NKAIN3: variants seen among roughly 807,000 people sequenced by gnomAD.
The protein encoded by NKAIN3 is sodium/potassium transporting ATPase interacting 3, also known as sodium/potassium-transporting ATPase subunit beta-1-interacting protein 3.
NKAIN3 carries 25 observed loss-of-function variants against 30.2 expected under a neutral mutation model. That is an observed-to-expected ratio of 0.83 (90% CI 0.60 to 1.16). The LOEUF is 1.16. NKAIN3 is among the 50% of genes most tolerant of loss of function. The probability of loss-of-function intolerance (pLI) is 0.00; values close to 1 mark genes in which losing one functional copy is unlikely to be tolerated. For synonymous variants in NKAIN3, 91 were observed against 89.6 expected (o/e 1.02, Z -0.09); for missense variants, 225 against 254.1 (o/e 0.89, Z 0.78).
intron 5 of NKAIN3, among the ~76,000 whole-genome samples, chr8:62,997,068 C>T (rs548812727): frequency 2.6e-5 from 4 of 152,282 alleles, no homozygotes; most frequent in Admixed American, 6.5e-5. Context: ...GGGGCTCCAG[C>T]GCCACACTTC....
chr8:62,584,304 G>A (rs184285143), intron 2 of NKAIN3, among the ~76,000 whole-genome samples: 10 of 152,228 alleles, frequency 6.6e-5, no homozygotes, highest in East Asian at 5.8e-4. Context: ...AAGTGCTCAC[G>A]CAGAGATTAA....
chr8:62,901,664 C>T (rs765911028), intron 4 of NKAIN3, among the ~76,000 whole-genome samples: 13 of 152,130 alleles, frequency 8.5e-5, no homozygotes, highest in African/African-American at 1.7e-4. Context: ...ACGTACGTCC[C>T]GCAAGTTAGG....
chr8:62,863,008 T>C, intron 4 of NKAIN3: 1 of 586,788 alleles, frequency 1.7e-6, no homozygotes, highest in Non-Finnish European at 3.1e-6. Flanking sequence ...TGTTGGTATG[T>C]AACCACACGT....
At chr8:62,882,775 T>C (rs1045710583) in intron 4 of NKAIN3, among the ~76,000 whole-genome samples, 2 of 152,294 alleles carry the variant, frequency 1.3e-5, no homozygotes, top group Admixed American at 1.3e-4. Context: ...CATATGGATG[T>C]CCTATTTTTC....
rs1812312013 is a variant in NKAIN3 at position 62,641,685 on chromosome 8, A to T, written c.273+51891A>T. Among the ~76,000 whole-genome samples the T allele has an allele frequency of 2.6e-5, 4 of 152,148 alleles. No homozygotes were observed. The South Asian group carries it at 8.3e-4, about 32-fold the overall frequency. On this transcript the variant is annotated intron_variant, in intron 3 of 6. Coordinates refer to ENST00000623646, the MANE Select transcript of NKAIN3 (RefSeq NM_001304533.3). The stretch of plus-strand genomic sequence containing the variant: ...ATAGCTCATTGATTGATAAAGTGAG[A>T]GGCAAGATTAGGAAGGGGTTAGTTA...
chr8:62,796,969 GAC>G (rs1176594999), intron 4 of NKAIN3, among the ~76,000 whole-genome samples: 6 of 152,144 alleles, frequency 3.9e-5, no homozygotes, highest in African/African-American at 1.4e-4. Context: ...CTAACTTAAA[GAC>G]AGCATGAAGT....
chr8:62,451,296 C>T (rs1374553514), intron 1 of NKAIN3, among the ~76,000 whole-genome samples: 3 of 136,578 alleles, frequency 2.2e-5, no homozygotes, highest in Non-Finnish European at 4.8e-5. Flanking sequence ...TCCCTCCCCT[C>T]CCGTCCCCTC....
intron 4 of NKAIN3, among the ~76,000 whole-genome samples, chr8:62,827,892 A>G (rs915646725): frequency 1.3e-5 from 2 of 152,166 alleles, no homozygotes; most frequent in African/African-American, 4.8e-5. Flanking sequence ...GGTATTATGC[A>G]CATTTTAGAA....
intron 1 of NKAIN3, among the ~76,000 whole-genome samples, chr8:62,497,396 A>G (rs1807276117): frequency 6.6e-6 from 1 of 151,632 alleles, no homozygotes; most frequent in South Asian, 2.1e-4. Context: ...CCTGTGGAAC[A>G]TGATGTATGT....
chr8:62,278,001 A>G (rs1006134365), intron 1 of NKAIN3, among the ~76,000 whole-genome samples: 4 of 152,172 alleles, frequency 2.6e-5, no homozygotes, highest in African/African-American at 9.6e-5. Flanking sequence ...TAACATGACA[A>G]GACAGGTATT....
chr8:62,768,288 C>A (rs1183808470), intron 4 of NKAIN3, among the ~76,000 whole-genome samples: 1 of 152,162 alleles, frequency 6.6e-6, no homozygotes, highest in Non-Finnish European at 1.5e-5. Flanking sequence ...GATTGCCATC[C>A]AACCTGTCTC....
chr8:62,496,157 G>A (rs1157930040), intron 1 of NKAIN3, among the ~76,000 whole-genome samples: 3 of 152,038 alleles, frequency 2.0e-5, no homozygotes, highest in Non-Finnish European at 2.9e-5. Flanking sequence ...CTTTAATAAT[G>A]TGCTTACTGT....
At position 62,736,362 on chromosome 8, in the gene NKAIN3, GT is replaced by G. The variant is rs1011343067; in HGVS notation, c.274-10569del. Among the ~76,000 whole-genome samples the G allele has an allele frequency of 2.6e-5, 4 of 152,148 alleles. 1 individual carries two copies. Among genetic ancestry groups the G allele is most frequent in the African/African-American group, 9.7e-5 (4 of 41,438 alleles). ...TTGGGCAAGTCTTGCTGTGGTTACT[GT>G]GGGGGTTGCTGGTGTGGATTTCAGG... On this transcript the variant is annotated intron_variant, in intron 3 of 6. Transcript: ENST00000623646.
At chr8:62,934,460 A>G (rs1360824857) in intron 5 of NKAIN3, among the ~76,000 whole-genome samples, 2 of 152,082 alleles carry the variant, frequency 1.3e-5, no homozygotes, top group African/African-American at 4.8e-5. Context: ...AAAAGTTTTT[A>G]TCTGTTAGGG....
chr8:62,670,879 G>GCACACA (rs57917158), intron 3 of NKAIN3, among the ~76,000 whole-genome samples: 6,741 of 141,974 alleles, frequency 0.047, 273 homozygotes, highest in Non-Finnish European at 0.071. Context: ...ACACATACAA[G>GCACACA]CACACACACA....
chr8:62,285,387 A>G (rs1195002002), intron 1 of NKAIN3, among the ~76,000 whole-genome samples: 7 of 152,184 alleles, frequency 4.6e-5, no homozygotes, highest in Non-Finnish European at 1.5e-5. Context: ...GCTTTGTTGT[A>G]TCTCATTATC....
At position 62,810,627 on chromosome 8, in the gene NKAIN3, G is replaced by A. The variant is rs184950371; in HGVS notation, c.471+63498G>A. Reference sequence around the variant, plus strand: ...ATTATGTATGCATGATTGTAAGTATGTAGGTAGAAAGTTTTTTTTTTTTTT... The same window carrying A: ...ATTATGTATGCATGATTGTAAGTATATAGGTAGAAAGTTTTTTTTTTTTTT... On this transcript the variant is annotated intron_variant, in intron 4 of 6. Transcript: ENST00000623646. Among the ~76,000 whole-genome samples, 390 of 141,652 alleles carry A rather than the reference G, an allele frequency of 2.8e-3. 3 individuals carry two copies. Among genetic ancestry groups the A allele is most frequent in the African/African-American group, 9.7e-3 (376 of 38,758 alleles). 92.9% of individuals were successfully genotyped at this position (141,652 alleles called of 152,430 possible).
Position 62,965,791 on chromosome 8 carries a change from G to A in NKAIN3, c.*384G>A. The A allele has an allele frequency of 3.0e-6, 3 of 985,334 alleles. No homozygotes were observed. The highest frequency in any genetic ancestry group is 2.4e-6 in the Non-Finnish European group (2 of 829,872). The allele number at this position is 985,334 out of a possible 1,614,324, so 61.0% of individuals were successfully genotyped here. A position where few individuals can be genotyped will look rare whatever the true frequency, so the allele number is the denominator to read the frequency against. On this transcript the variant is annotated 3_prime_UTR_variant, in exon 7 of 7. Coordinates refer to ENST00000623646, the MANE Select transcript of NKAIN3 (RefSeq NM_001304533.3). Reference sequence around the variant, plus strand: ...TAAGTCAGCACTGCTGACTGTTGAAGTTATTCTAGGCCTGATGAATTTGTT... The same window carrying A: ...TAAGTCAGCACTGCTGACTGTTGAAATTATTCTAGGCCTGATGAATTTGTT...
chr8:62,532,482 C>A (rs1272435723), intron 1 of NKAIN3, among the ~76,000 whole-genome samples: 4 of 152,160 alleles, frequency 2.6e-5, no homozygotes, highest in African/African-American at 7.2e-5. Flanking sequence ...CTATAATTAT[C>A]CATGTTTTCA....
Sources: gnomAD v4.1 joint callset for allele counts (sites outside exome capture counted in the v4.1 genomes callset) on GRCh38, gnomAD v4.1.1 for gene constraint, MANE v1.5 for transcripts, NCBI Gene and HGNC (gene_info 2026-07-23, HGNC 2026-07-21) for gene names.